LRRN1: variants seen among roughly 807,000 people sequenced by gnomAD.
LRRN1 encodes leucine-rich repeat neuronal protein 1.
LRRN1 carries 14 observed loss-of-function variants against 45.8 expected under a neutral mutation model. The observed-to-expected ratio is 0.31, with a 90% CI of 0.20 to 0.48. The LOEUF (loss-of-function observed/expected upper bound fraction) is 0.48. Among genes scored for constraint, LRRN1 ranks in the 20% least tolerant of loss-of-function variants. The pLI is 0.99. For synonymous variants in LRRN1, 359 were observed against 330.1 expected (o/e 1.09, Z -0.95); for missense variants, 789 against 874.2 (o/e 0.90, Z 1.23).
rs1423344788 is a variant in LRRN1, at chr3:3,816,690, A to AAAATT, written c.-279+16777_-279+16781dup. ...TTCTAGGAAACCTTCAGTCAAACAG[A>AAAATT]AAATTAAATTTGCACATTCCCTGAG... On this transcript the variant is annotated intron_variant, in intron 1 of 1. Transcript: ENST00000319331. The surrounding 1 kb of genome is among the most constrained non-coding windows in gnomAD (Gnocchi z 4.0). 6.6e-6 allele frequency among the ~76,000 whole-genome samples: 1 copy of AAAATT among 152,222 alleles called. No individual in the cohort carries two copies. Among genetic ancestry groups the AAAATT allele is most frequent in the African/African-American group, 2.4e-5 (1 of 41,468 alleles).
chr3:3,826,790 CTAA>C (rs1693226225), intron 1 of LRRN1, among the ~76,000 whole-genome samples: 2 of 152,034 alleles, frequency 1.3e-5, no homozygotes, highest in South Asian at 4.1e-4. Context: ...GTCTAAGAAA[CTAA>C]TGTTTTTAAA....
chr3:3,834,525 G>GACATATATATATATATATAT (rs750534210), intron 1 of LRRN1, among the ~76,000 whole-genome samples: 426 of 27,316 alleles, frequency 0.016, 29 homozygotes, highest in Middle Eastern at 0.053. Flanking sequence ...GACAGAACAG[G>GACATATATATATATATATAT]ATATATATAT....
intron 1 of LRRN1, among the ~76,000 whole-genome samples, chr3:3,810,868 G>T (rs143518883): frequency 6.6e-6 from 1 of 152,206 alleles, no homozygotes; most frequent in African/African-American, 2.4e-5. Context: ...GCACATGAAG[G>T]GAAGAGTTGA....
chr3:3,812,651 T>C (rs968253356), intron 1 of LRRN1, among the ~76,000 whole-genome samples: 8 of 151,974 alleles, frequency 5.3e-5, no homozygotes, highest in African/African-American at 1.9e-4. Context: ...GAGAGGGAAA[T>C]TGTGTGAGTA....
rs753655629 is a variant in LRRN1 at position 3,845,761 on chromosome 3, A to C, written c.1120A>C (p.Arg374=). 6.2e-7 allele frequency: 1 copy of C among 1,614,134 alleles called. No individual in the cohort carries two copies. The highest frequency in any genetic ancestry group is 8.5e-7 in the Non-Finnish European group (1 of 1,180,022). ...REISIHSNPL[R]CDCVIHWINS... Reference sequence around the variant, plus strand: ...GATCAGTATCCATAGCAATCCCCTCAGGTGTGACTGTGTGATCCACTGGAT... The same window carrying C: ...GATCAGTATCCATAGCAATCCCCTCCGGTGTGACTGTGTGATCCACTGGAT... The change falls in exon 2 of 2, where the codon AGG becomes CGG. Residue 374 remains arginine, a synonymous_variant. Coordinates refer to ENST00000319331, the MANE Select transcript of LRRN1 (RefSeq NM_020873.7). The surrounding 1 kb of genome is among the most constrained non-coding windows in gnomAD (Gnocchi z 6.5).
chr3:3,841,612 A>T (rs1013508298), intron 1 of LRRN1, among the ~76,000 whole-genome samples: 2 of 151,966 alleles, frequency 1.3e-5, no homozygotes, highest in Admixed American at 6.6e-5. Context: ...TCTGCCTCCC[A>T]GGTTCAAGCG....
intron 1 of LRRN1, among the ~76,000 whole-genome samples, chr3:3,802,359 C>G (rs1181210086): frequency 2.6e-5 from 4 of 152,152 alleles, no homozygotes; most frequent in African/African-American, 9.7e-5. Flanking sequence ...CTTTTGTCAA[C>G]CTCAAACACT....
chr3:3,834,313 T>C (rs184535445), intron 1 of LRRN1, among the ~76,000 whole-genome samples: 4 of 151,790 alleles, frequency 2.6e-5, no homozygotes, highest in Admixed American at 2.6e-4. Flanking sequence ...TTATTTTGCA[T>C]AAGTCTCTAA....
chr3:3,800,300 A>T (rs941262982), intron 1 of LRRN1, among the ~76,000 whole-genome samples: 5 of 151,912 alleles, frequency 3.3e-5, no homozygotes, highest in African/African-American at 1.2e-4. Context: ...GGCTGCCGGG[A>T]TGTGAACCGG....
chr3:3,841,944 T>TA (rs1559309423), intron 1 of LRRN1, among the ~76,000 whole-genome samples: 1 of 152,196 alleles, frequency 6.6e-6, no homozygotes, highest in Non-Finnish European at 1.5e-5. Flanking sequence ...AATGTGTCAT[T>TA]AGGTGATTCC....
intron 1 of LRRN1, among the ~76,000 whole-genome samples, chr3:3,807,800 G>A (rs1468399999): frequency 6.6e-6 from 1 of 152,136 alleles, no homozygotes; most frequent in Non-Finnish European, 1.5e-5. Flanking sequence ...AGCAATGACT[G>A]GCTTTCTCCA....
intron 1 of LRRN1, among the ~76,000 whole-genome samples, chr3:3,842,863 G>GA (rs1204675000): frequency 2.0e-5 from 3 of 152,172 alleles, no homozygotes; most frequent in Non-Finnish European, 2.9e-5. Flanking sequence ...TTGGAATGCA[G>GA]AAAAAATGGA....
intron 1 of LRRN1, among the ~76,000 whole-genome samples, chr3:3,819,429 A>T (rs1239205389): frequency 6.6e-6 from 1 of 152,208 alleles, no homozygotes; most frequent in Admixed American, 6.5e-5. Context: ...GAAAGCATCA[A>T]GGTGTCAACA....
intron 1 of LRRN1, among the ~76,000 whole-genome samples, chr3:3,831,987 T>C (rs1032846657): frequency 1.3e-5 from 2 of 152,230 alleles, no homozygotes; most frequent in African/African-American, 4.8e-5. Flanking sequence ...GCATTTGCCA[T>C]GTCAATGGCT....
rs1029987843 is a variant in LRRN1, at chr3:3,849,830, T to C, written c.*3038T>C. On this transcript the variant is annotated 3_prime_UTR_variant, in exon 2 of 2. Coordinates refer to ENST00000319331, the MANE Select transcript of LRRN1 (RefSeq NM_020873.7). ...AAACAATATCAAAGTGCATATTTTC[T>C]CTCATGTGGTTTCTATTTATTCAAT... Among the ~76,000 whole-genome samples, 1 of 152,218 alleles carries C rather than the reference T, an allele frequency of 6.6e-6. No homozygotes were observed. Among genetic ancestry groups the C allele is most frequent in the Non-Finnish European group, 1.5e-5 (1 of 68,042 alleles).
chr3:3,808,768 A>G (rs912776284), intron 1 of LRRN1, among the ~76,000 whole-genome samples: 1 of 148,616 alleles, frequency 6.7e-6, no homozygotes, highest in Non-Finnish European at 1.5e-5. Flanking sequence ...ATTCCATATT[A>G]AAGTCTATGT....
intron 1 of LRRN1, among the ~76,000 whole-genome samples, chr3:3,812,380 G>GAGTT (rs58353919): frequency 0.052 from 7,891 of 152,236 alleles, 698 homozygotes; most frequent in African/African-American, 0.18. Context: ...GGTCATGGGA[G>GAGTT]AGTTAGCCAG....
intron 1 of LRRN1, among the ~76,000 whole-genome samples, chr3:3,822,222 T>C (rs1693119070): frequency 6.6e-6 from 1 of 152,186 alleles, no homozygotes; most frequent in African/African-American, 2.4e-5. Context: ...TTTATGTAAA[T>C]GATTCAATGC....
intron 1 of LRRN1, among the ~76,000 whole-genome samples, chr3:3,838,015 T>C (rs1433039540): frequency 6.6e-6 from 1 of 152,164 alleles, no homozygotes; most frequent in Non-Finnish European, 1.5e-5. Flanking sequence ...GTTAGTTTGC[T>C]GAGGATAATG....
Sources: allele counts gnomAD v4.1 joint callset (sites outside exome capture counted in the v4.1 genomes callset), GRCh38; gene constraint gnomAD v4.1.1; non-coding constraint Gnocchi (gnomAD v3.1); transcripts MANE v1.5; gene names NCBI Gene and HGNC (gene_info 2026-07-23, HGNC 2026-07-21).